Variants in RAB7A observed in about 807,000 individuals in gnomAD.
The protein encoded by RAB7A is RAB7A, member RAS oncogene family, also known as ras-related protein Rab-7a.
In RAB7A, 2 loss-of-function variants were observed where a neutral mutation model predicts 24.5. The observed-to-expected ratio is 0.08, with a 90% confidence interval of 0.03 to 0.26. The LOEUF (loss-of-function observed/expected upper bound fraction) is 0.26. Among genes scored for constraint, RAB7A ranks in the 10% least tolerant of loss-of-function variants. The pLI is 1.00. For missense variants in RAB7A, 118 were observed against 255.7 expected (o/e 0.46, Z 3.67); for synonymous variants, 100 against 95.9 (o/e 1.04, Z -0.25).
At chr3:128,729,173 C>T (rs1371949993) in intron 1 of RAB7A, among the ~76,000 whole-genome samples, 3 of 152,072 alleles carry the variant, frequency 2.0e-5, no homozygotes, top group African/African-American at 7.2e-5. Context: ...CTCACCAACC[C>T]TGTAATCAGA....
At chr3:128,766,951 G>A (rs537612959) in intron 1 of RAB7A, among the ~76,000 whole-genome samples, 3 of 151,956 alleles carry the variant, frequency 2.0e-5, no homozygotes, top group East Asian at 1.9e-4. Context: ...CCACATGCTC[G>A]TCAAAACTCG....
intron 1 of RAB7A, among the ~76,000 whole-genome samples, chr3:128,771,915 C>A (rs575528465): frequency 6.6e-6 from 1 of 152,298 alleles, no homozygotes; most frequent in East Asian, 1.9e-4. Context: ...TCCTTAAATT[C>A]TCTCCTAAAC....
chr3:128,771,798 A>G (rs1227846688), intron 1 of RAB7A, among the ~76,000 whole-genome samples: 1 of 152,206 alleles, frequency 6.6e-6, no homozygotes, highest in Non-Finnish European at 1.5e-5. Context: ...TTGTTCTTGT[A>G]TGTGAATAAG....
At chr3:128,799,657 G>T (rs1408520465) in intron 3 of RAB7A, among the ~76,000 whole-genome samples, 3 of 152,168 alleles carry the variant, frequency 2.0e-5, no homozygotes, top group Non-Finnish European at 2.9e-5. Context: ...TACACCTAGA[G>T]ATCTTCAAAA....
chr3:128,758,441 T>G, intron 1 of RAB7A, among the ~76,000 whole-genome samples: 1 of 151,222 alleles, frequency 6.6e-6, no homozygotes, highest in Non-Finnish European at 1.5e-5. Context: ...CCCAGCTAAT[T>G]TTTTTTTGTA....
Position 128,726,256 on chromosome 3 carries a change from G to C in RAB7A, c.-112G>C, listed in dbSNP as rs1360028242. 6.5e-6 allele frequency: 1 copy of C among 153,398 alleles called. No individual in the cohort carries two copies. Among genetic ancestry groups the C allele is most frequent in the Admixed American group, 6.5e-5 (1 of 15,296 alleles). The allele number at this position is 153,398 out of a possible 1,614,324, so 9.5% of individuals were successfully genotyped here. On this transcript the variant is annotated 5_prime_UTR_variant, in exon 1 of 6. Coordinates refer to ENST00000265062, the MANE Select transcript of RAB7A (RefSeq NM_004637.6). ...TTGGAGAGCTCGGGAGAGTTCCCTG[G>C]AACCAGAACTTGGACCTTCTCGCTT...
chr3:128,795,972 T>C (rs1189839580), intron 2 of RAB7A, among the ~76,000 whole-genome samples: 1 of 151,620 alleles, frequency 6.6e-6, no homozygotes, highest in Non-Finnish European at 1.5e-5. Flanking sequence ...AGGATGGTCT[T>C]GATCTCCTGA....
At chr3:128,751,330 G>T (rs1018336824) in intron 1 of RAB7A, among the ~76,000 whole-genome samples, 2 of 152,196 alleles carry the variant, frequency 1.3e-5, no homozygotes, top group Admixed American at 6.5e-5. Flanking sequence ...TGTGAAAGCA[G>T]CCAGGAGGGA....
Position 128,737,435 on chromosome 3 carries a change from C to G in RAB7A, c.-9+11076C>G, listed in dbSNP as rs533430869. On this transcript the variant is annotated intron_variant, in intron 1 of 5. Coordinates refer to ENST00000265062, the MANE Select transcript of RAB7A (RefSeq NM_004637.6). ...CCCAGCTCACTGCAGCCTCTGCCTC[C>G]CAGGCTCAAGCGATCCTCCCACCTC... is the stretch of plus-strand genomic sequence containing the variant. Among the ~76,000 whole-genome samples, 134 of 151,202 alleles carry G rather than the reference C, an allele frequency of 8.9e-4. 1 individual carries two copies. Among genetic ancestry groups the G allele is most frequent in the African/African-American group, 3.1e-3 (127 of 41,114 alleles).
intron 3 of RAB7A, among the ~76,000 whole-genome samples, chr3:128,803,159 G>A (rs577826951): frequency 3.3e-5 from 5 of 151,998 alleles, no homozygotes; most frequent in African/African-American, 1.2e-4. Context: ...TCTAGCTTGG[G>A]GGAACCAGAG....
At chr3:128,751,017 GC>G (rs1339775925) in intron 1 of RAB7A, among the ~76,000 whole-genome samples, 1 of 152,244 alleles carries the variant, frequency 6.6e-6, no homozygotes, top group Non-Finnish European at 1.5e-5. Context: ...TGCTGAGTCT[GC>G]GAGTGCACAG....
At chr3:128,779,900 A>G (rs1236030219) in intron 1 of RAB7A, among the ~76,000 whole-genome samples, 1 of 152,140 alleles carries the variant, frequency 6.6e-6, no homozygotes, top group Non-Finnish European at 1.5e-5. Flanking sequence ...TCATGAGGAG[A>G]TAGGAGAGAA....
chr3:128,739,892 C>A (rs992232304), intron 1 of RAB7A, among the ~76,000 whole-genome samples: 1 of 152,028 alleles, frequency 6.6e-6, no homozygotes, highest in East Asian at 1.9e-4. Flanking sequence ...CATGGTAAAA[C>A]CCTGTCTCTA....
intron 1 of RAB7A, among the ~76,000 whole-genome samples, chr3:128,731,743 C>T (rs2070439365): frequency 6.6e-6 from 1 of 152,124 alleles, no homozygotes; most frequent in South Asian, 2.1e-4. Context: ...GGCGATGGCT[C>T]ACACCTGTAA....
Position 128,774,201 on chromosome 3 carries a change from T to A in RAB7A, c.-8-21159T>A, listed in dbSNP as rs867197358. Among the ~76,000 whole-genome samples the A allele has an allele frequency of 4.5e-3, 601 of 132,812 alleles. 7 individuals carry two copies. The highest frequency in any genetic ancestry group is 0.015 in the African/African-American group (522 of 35,876). 87.1% of individuals were successfully genotyped at this position (132,812 alleles called of 152,430 possible). ...TGTATTAACTAAAAAAAAAAAAAAT[T>A]AAAAAAAAAAAAAGCCTGCAGAAAC... On this transcript the variant is annotated intron_variant, in intron 1 of 5. Transcript: ENST00000265062.
chr3:128,748,186 T>G (rs2070638720), intron 1 of RAB7A, among the ~76,000 whole-genome samples: 1 of 152,198 alleles, frequency 6.6e-6, no homozygotes, highest in Non-Finnish European at 1.5e-5. Flanking sequence ...ATGGAGGGAT[T>G]TGGTTCCTAA....
At chr3:128,773,687 G>A (rs1378422755) in intron 1 of RAB7A, among the ~76,000 whole-genome samples, 1 of 152,244 alleles carries the variant, frequency 6.6e-6, no homozygotes, top group Admixed American at 6.5e-5. Context: ...AAATCAGATT[G>A]TTGCTGTGTC....
chr3:128,813,062 G>A (rs934475691), intron 5 of RAB7A, among the ~76,000 whole-genome samples: 2 of 152,242 alleles, frequency 1.3e-5, no homozygotes, highest in Non-Finnish European at 2.9e-5. Flanking sequence ...ATTGCTCAGT[G>A]CAGACTGCTG....
Position 128,734,693 on chromosome 3 carries a change from T to C in RAB7A, c.-9+8334T>C, listed in dbSNP as rs2070473975. On this transcript the variant is annotated intron_variant, in intron 1 of 5. Coordinates refer to ENST00000265062, the MANE Select transcript of RAB7A (RefSeq NM_004637.6). ...TGGTCAGACACTTGAGCCCTTAGAATATCACATTCTATCGTACATATGCTA... is the reference window on the plus strand; with the variant it reads ...TGGTCAGACACTTGAGCCCTTAGAACATCACATTCTATCGTACATATGCTA... Among the ~76,000 whole-genome samples, 4 of 152,266 alleles carry C rather than the reference T, an allele frequency of 2.6e-5. No individual in the cohort carries two copies. In the South Asian group the frequency reaches 8.3e-4, roughly 32 times the overall value.
Sources: allele counts gnomAD v4.1 joint callset (sites outside exome capture counted in the v4.1 genomes callset), GRCh38; gene constraint gnomAD v4.1.1; transcripts MANE v1.5; gene names NCBI Gene and HGNC (gene_info 2026-07-23, HGNC 2026-07-21).